Variants in MIPOL1 observed in about 807,000 individuals in gnomAD.
MIPOL1 encodes the protein mirror-image polydactyly gene 1 protein.
In MIPOL1, 57 loss-of-function variants were observed where a neutral mutation model predicts 60.9. That is an observed-to-expected ratio of 0.94 (90% CI 0.76 to 1.17). The LOEUF is 1.17. Ranked by LOEUF, MIPOL1 falls within the 50% of genes most tolerant of loss-of-function variation. MIPOL1 has a pLI of 0.00. For missense variants in MIPOL1, 551 were observed against 511.6 expected (o/e 1.08, Z -0.74); for synonymous variants, 179 against 168.8 (o/e 1.06, Z -0.47).
intron 1 of MIPOL1, among the ~76,000 whole-genome samples, chr14:37,206,194 ACCAAG>A (rs1291982992): frequency 6.6e-6 from 1 of 152,024 alleles, no homozygotes; most frequent in Non-Finnish European, 1.5e-5. Context: ...GGTTTCATGG[ACCAAG>A]CTTAGGGTCC....
intron 11 of MIPOL1, among the ~76,000 whole-genome samples, chr14:37,489,960 T>G (rs1950819): frequency 0.57 from 86,136 of 152,038 alleles, 25,762 homozygotes; most frequent in Non-Finnish European, 0.66. Context: ...AGTCTGACCC[T>G]TAGCATAGCT....
At chr14:37,536,636 C>T (rs10133391) in intron 12 of MIPOL1, among the ~76,000 whole-genome samples, 78,335 of 151,872 alleles carry the variant, frequency 0.52, 21,050 homozygotes, top group East Asian at 0.7. Flanking sequence ...AGTTTTTTCT[C>T]GCTCTCTCTA....
intron 3 of MIPOL1, among the ~76,000 whole-genome samples, chr14:37,258,908 A>G (rs1232043295): frequency 7.9e-5 from 12 of 152,142 alleles, no homozygotes; most frequent in Admixed American, 7.9e-4. Flanking sequence ...CTGAAAAAAA[A>G]AAGAATAAAA....
intron 9 of MIPOL1, among the ~76,000 whole-genome samples, chr14:37,351,084 G>C (rs2091328395): frequency 7.9e-6 from 1 of 127,362 alleles, no homozygotes; most frequent in Non-Finnish European, 1.6e-5. Flanking sequence ...ACGGTCCCCA[G>C]AGTGTGATAT....
intron 1 of MIPOL1, among the ~76,000 whole-genome samples, chr14:37,198,983 T>G (rs1964786562): frequency 6.6e-6 from 1 of 152,158 alleles, no homozygotes; most frequent in Admixed American, 6.5e-5. Context: ...TTAAAACAGT[T>G]TAATTTTTAA....
intron 11 of MIPOL1, among the ~76,000 whole-genome samples, chr14:37,446,837 C>T (rs2094343244): frequency 6.6e-6 from 1 of 151,774 alleles, no homozygotes; most frequent in Admixed American, 6.6e-5. Context: ...AAAAACCAAA[C>T]ACCGCATGTT....
intron 11 of MIPOL1, among the ~76,000 whole-genome samples, chr14:37,442,346 A>G (rs1188619909): frequency 6.6e-6 from 1 of 152,084 alleles, no homozygotes; most frequent in Non-Finnish European, 1.5e-5. Context: ...TTCTTTTCCT[A>G]TTAAAATGTC....
At chr14:37,448,281 C>CTAA (rs2094367356) in intron 11 of MIPOL1, among the ~76,000 whole-genome samples, 1 of 152,140 alleles carries the variant, frequency 6.6e-6, no homozygotes, top group South Asian at 2.1e-4. Context: ...CCAGTGTGGG[C>CTAA]TAATGCAGGA....
chr14:37,482,289 A>T (rs2153599461), intron 11 of MIPOL1, among the ~76,000 whole-genome samples: 1 of 152,346 alleles, frequency 6.6e-6, no homozygotes, highest in East Asian at 1.9e-4. Flanking sequence ...TTCTCAAAAG[A>T]AGGCATACAG....
At chr14:37,302,443 A>G (rs1293792541) in intron 7 of MIPOL1, among the ~76,000 whole-genome samples, 1 of 151,160 alleles carries the variant, frequency 6.6e-6, no homozygotes, top group Non-Finnish European at 1.5e-5. Context: ...ATGGTTTTTC[A>G]AATTGGATTA....
intron 11 of MIPOL1, among the ~76,000 whole-genome samples, chr14:37,458,177 C>G (rs1297553194): frequency 1.3e-5 from 2 of 151,920 alleles, no homozygotes; most frequent in Non-Finnish European, 2.9e-5. Context: ...AACAAATACT[C>G]CTAGACCTAC....
intron 3 of MIPOL1, among the ~76,000 whole-genome samples, chr14:37,261,745 G>A (rs2082532689): frequency 6.6e-6 from 1 of 152,036 alleles, no homozygotes. Flanking sequence ...ATGTAACTTA[G>A]TTTAATTCTC....
intron 6 of MIPOL1, among the ~76,000 whole-genome samples, chr14:37,279,089 T>G (rs1359436121): frequency 6.6e-6 from 1 of 151,416 alleles, no homozygotes; most frequent in African/African-American, 2.4e-5. Context: ...AATATAAGTA[T>G]TTTACTTGGT....
chr14:37,540,437 A>G (rs2095525084), intron 12 of MIPOL1, among the ~76,000 whole-genome samples: 1 of 152,152 alleles, frequency 6.6e-6, no homozygotes, highest in African/African-American at 2.4e-5. Flanking sequence ...ATGTCTGCAT[A>G]TGTACATTTT....
chr14:37,247,462 G>A (rs1261676552), intron 2 of MIPOL1, among the ~76,000 whole-genome samples: 2 of 151,744 alleles, frequency 1.3e-5, no homozygotes, highest in East Asian at 3.9e-4. Context: ...ATTCAAATCA[G>A]TAAATTTGAA....
chr14:37,503,673 C>T (rs1225641620), intron 12 of MIPOL1: 3 of 152,244 alleles, frequency 2.0e-5, no homozygotes, highest in East Asian at 1.9e-4. Context: ...TAAAGACCAT[C>T]GATGCTAGGA....
At chr14:37,321,210 A>G (rs1384477740) in intron 9 of MIPOL1, among the ~76,000 whole-genome samples, 1 of 151,954 alleles carries the variant, frequency 6.6e-6, no homozygotes, top group African/African-American at 2.4e-5. Flanking sequence ...TTTCATGAAA[A>G]TGATTACTTT....
chr14:37,382,371 A>G (rs1595508138), intron 10 of MIPOL1, among the ~76,000 whole-genome samples: 1 of 152,154 alleles, frequency 6.6e-6, no homozygotes, highest in East Asian at 1.9e-4. Context: ...TAATAAATAA[A>G]CTTACTATTG....
intron 7 of MIPOL1, 111 bp from the exon 8 acceptor site, chr14:37,307,944 TA>T: frequency 1.2e-6 from 1 of 843,616 alleles, no homozygotes; most frequent in Non-Finnish European, 1.9e-6. Flanking sequence ...TGGTTGACTC[TA>T]AAGACTAGTC....
Sources: allele counts gnomAD v4.1 joint callset (sites outside exome capture counted in the v4.1 genomes callset), GRCh38; gene constraint gnomAD v4.1.1; transcripts MANE v1.5; gene names NCBI Gene and HGNC (gene_info 2026-07-23, HGNC 2026-07-21).